COL25A1: variants seen among roughly 807,000 people sequenced by gnomAD.
The protein encoded by COL25A1 is collagen type XXV alpha 1 chain.
A neutral mutation model predicts 128.4 loss-of-function variants in COL25A1; 103 were observed. That is an observed-to-expected ratio of 0.80 (90% CI 0.68 to 0.94). The LOEUF is 0.94. Among genes scored for constraint, COL25A1 ranks in the 40% least tolerant of loss-of-function variants. The pLI, the probability that COL25A1 is intolerant of heterozygous loss-of-function variation, is 0.00. For synonymous variants in COL25A1, 279 were observed against 277.2 expected (o/e 1.01, Z -0.06); for missense variants, 745 against 840.0 (o/e 0.89, Z 1.40).
intron 3 of COL25A1, among the ~76,000 whole-genome samples, chr4:109,290,850 A>G (rs2126284675): frequency 6.6e-6 from 1 of 152,264 alleles, no homozygotes; most frequent in East Asian, 1.9e-4. Flanking sequence ...GGCCACATGC[A>G]GCCTGCAGGG....
rs1730953614 is a variant in COL25A1, at chr4:108,813,322, A to G, written c.*605T>C. On this transcript the variant is annotated 3_prime_UTR_variant, in exon 38 of 38. Transcript: ENST00000399132. Reference sequence around the variant, plus strand: ...TCTTTTTGGCAATAAGCCATGGTGTAACCCCCTTGAGATGACAAAAGGAAT... The same window carrying G: ...TCTTTTTGGCAATAAGCCATGGTGTGACCCCCTTGAGATGACAAAAGGAAT... 1 of 152,364 alleles carries G rather than the reference A, an allele frequency of 6.6e-6. No individual in the cohort carries two copies. Among genetic ancestry groups the G allele is most frequent in the African/African-American group, 2.4e-5 (1 of 41,446 alleles). 9.4% of individuals were successfully genotyped at this position (152,364 alleles called of 1,614,324 possible). A position where few individuals can be genotyped will look rare whatever the true frequency, so the allele number is the denominator to read the frequency against.
chr4:108,831,690 GAGA>G lies in COL25A1; in HGVS notation c.1710+687_1710+689del, dbSNP rs1733131304. ...AAAAACAGAAAGAGAGAGAGGGGGA[GAGA>G]GAGAGAGAGAGAGAGAGAGAGAGCG... On this transcript the variant is annotated intron_variant, in intron 32 of 37. Coordinates refer to ENST00000399132, the MANE Select transcript of COL25A1 (RefSeq NM_198721.4). Among the ~76,000 whole-genome samples, 23 of 22,106 alleles carry G rather than the reference GAGA, an allele frequency of 1.0e-3. No homozygotes were observed. The East Asian group carries it at 0.017, about 16-fold the overall frequency. 14.5% of individuals were successfully genotyped at this position (22,106 alleles called of 152,430 possible). A position where few individuals can be genotyped will look rare whatever the true frequency, so the allele number is the denominator to read the frequency against.
intron 2 of COL25A1, among the ~76,000 whole-genome samples, chr4:109,300,985 A>G (rs540463627): frequency 6.6e-6 from 1 of 152,344 alleles, no homozygotes; most frequent in South Asian, 2.1e-4. Flanking sequence ...TGGCTTACCA[A>G]TAACAGCCAA....
chr4:109,301,927 C>A lies in COL25A1; in HGVS notation c.93G>T (p.Met31Ile). 6.2e-7 allele frequency: 1 copy of A among 1,613,992 alleles called. No individual in the cohort carries two copies. The highest frequency in any genetic ancestry group is 1.1e-5 in the South Asian group (1 of 91,078). The change falls in exon 2 of 38, where the codon ATG becomes ATT. Residue 31 changes from methionine (M) to isoleucine (I), a missense_variant. Met to Ile is a conservative substitution (Grantham distance 10). Around this residue, in one of 3 missense-constraint regions of COL25A1, gnomAD observed 319 missense variants for 324.9 expected, o/e 0.98. Coordinates refer to ENST00000399132, the MANE Select transcript of COL25A1 (RefSeq NM_198721.4). ...GGGCCGCCAGGACGGCACACGGGGG[C>A]ATGGTCCGGGCACAATGCTGTTCGG... Reference protein sequence around the residue: ...TPAEQHCARTMPPCAVLAALL... With the variant: ...TPAEQHCARTIPPCAVLAALL...
intron 5 of COL25A1, among the ~76,000 whole-genome samples, chr4:109,032,140 A>G (rs1019394433): frequency 6.6e-6 from 1 of 152,106 alleles, no homozygotes; most frequent in African/African-American, 2.4e-5. Context: ...GGAAACCGAG[A>G]CCAGGAAATG....
intron 3 of COL25A1, among the ~76,000 whole-genome samples, chr4:109,054,850 A>ACAAATGTGTG (rs991769519): frequency 1.3e-5 from 2 of 152,100 alleles, no homozygotes; most frequent in African/African-American, 4.8e-5. Flanking sequence ...AGTCTGGAGG[A>ACAAATGTGTG]CAAATGTGTG....
chr4:109,095,297 C>T (rs1328007252), intron 3 of COL25A1, among the ~76,000 whole-genome samples: 4 of 152,178 alleles, frequency 2.6e-5, no homozygotes, highest in Non-Finnish European at 4.4e-5. Flanking sequence ...ACCAAAGACA[C>T]TCAGCTTTTA....
intron 6 of COL25A1, among the ~76,000 whole-genome samples, chr4:108,977,627 T>C (rs779332037): frequency 2.0e-5 from 3 of 152,240 alleles, no homozygotes; most frequent in Non-Finnish European, 2.9e-5. Context: ...TAGTTAACTT[T>C]ATTTCGATTT....
intron 11 of COL25A1, among the ~76,000 whole-genome samples, chr4:108,930,756 G>A (rs565403597): frequency 6.6e-6 from 1 of 152,322 alleles, no homozygotes. Context: ...AAGTCATCAT[G>A]AGAATATATC....
rs543194862 is a variant in COL25A1 at position 109,218,445 on chromosome 4, A to C, written c.367+82138T>G. 2.8e-5 allele frequency among the ~76,000 whole-genome samples: 4 copies of C among 144,570 alleles called. 1 individual carries two copies. The South Asian group carries it at 8.9e-4, about 32-fold the overall frequency. 94.8% of individuals were successfully genotyped at this position (144,570 alleles called of 152,430 possible). A position where few individuals can be genotyped will look rare whatever the true frequency, so the allele number is the denominator to read the frequency against. On this transcript the variant is annotated intron_variant, in intron 3 of 37. Coordinates refer to ENST00000399132, the MANE Select transcript of COL25A1 (RefSeq NM_198721.4). Reference sequence around the variant, plus strand: ...AAGAGAAGCCCCATGAAAGTTTTAAACTCTATCCAAACCCAGGACAATCCA... The same window carrying C: ...AAGAGAAGCCCCATGAAAGTTTTAACCTCTATCCAAACCCAGGACAATCCA...
intron 6 of COL25A1, among the ~76,000 whole-genome samples, chr4:108,984,682 C>T (rs527547402): frequency 6.6e-6 from 1 of 152,232 alleles, no homozygotes; most frequent in South Asian, 2.1e-4. Flanking sequence ...ACCCGGAACT[C>T]CCGCTGGCCC....
intron 3 of COL25A1, among the ~76,000 whole-genome samples, chr4:109,214,671 G>GT (rs1777850110): frequency 6.6e-6 from 1 of 151,990 alleles, no homozygotes; most frequent in Admixed American, 6.6e-5. Context: ...GGAGAAAAAA[G>GT]TATCAATGCA....
At chr4:108,976,370 C>T (rs1316588130) in intron 6 of COL25A1, among the ~76,000 whole-genome samples, 4 of 152,160 alleles carry the variant, frequency 2.6e-5, no homozygotes, top group Admixed American at 2.6e-4. Flanking sequence ...TACAGTATTA[C>T]CTTTGTCATA....
At chr4:109,122,392 C>T (rs564628876) in intron 3 of COL25A1, among the ~76,000 whole-genome samples, 4 of 152,044 alleles carry the variant, frequency 2.6e-5, no homozygotes, top group African/African-American at 4.8e-5. Context: ...GAATTCTCTG[C>T]GCTTTCCACT....
At chr4:108,944,920 C>G (rs577405631) in intron 8 of COL25A1, among the ~76,000 whole-genome samples, 15 of 152,202 alleles carry the variant, frequency 9.9e-5, no homozygotes, top group African/African-American at 3.4e-4. Flanking sequence ...CATTAGCATG[C>G]TAGGCAAGGA....
chr4:108,908,735 T>TTTA (rs1743837139), intron 13 of COL25A1, among the ~76,000 whole-genome samples: 1 of 152,062 alleles, frequency 6.6e-6, no homozygotes, highest in East Asian at 1.9e-4. Flanking sequence ...AGACCAGAGT[T>TTTA]TTATTATTAC....
At chr4:109,005,350 C>A (rs150974105) in intron 6 of COL25A1, among the ~76,000 whole-genome samples, 1,576 of 152,244 alleles carry the variant, frequency 0.01, 28 homozygotes, top group African/African-American at 0.035. Flanking sequence ...AATCACCTCC[C>A]ATCAGGCCAC....
intron 11 of COL25A1, among the ~76,000 whole-genome samples, chr4:108,935,082 A>T (rs1368961669): frequency 6.6e-6 from 1 of 152,204 alleles, no homozygotes; most frequent in East Asian, 1.9e-4. Flanking sequence ...ATTTACTGCT[A>T]TCAGAATGAT....
intron 3 of COL25A1, among the ~76,000 whole-genome samples, chr4:109,247,916 T>A (rs1279889963): frequency 3.3e-5 from 5 of 151,568 alleles, no homozygotes; most frequent in Non-Finnish European, 5.9e-5. Flanking sequence ...GGGAGAGAGA[T>A]AACAGAAAGA....
Sources: allele counts gnomAD v4.1 joint callset (sites outside exome capture counted in the v4.1 genomes callset), GRCh38; gene constraint gnomAD v4.1.1; regional missense constraint gnomAD v4.1.1; transcripts MANE v1.5; gene names NCBI Gene and HGNC (gene_info 2026-07-23, HGNC 2026-07-21).